DLG2: variants seen among roughly 807,000 people sequenced by gnomAD.
DLG2 encodes the protein discs large MAGUK scaffold protein 2.
In DLG2, 45 loss-of-function variants were observed where a neutral mutation model predicts 132.5. The ratio of observed to expected loss-of-function variants is 0.34; its 90% CI spans 0.27 to 0.44. DLG2 has a LOEUF of 0.44. Ranked by LOEUF, DLG2 falls within the 20% of genes least tolerant of loss-of-function variation. DLG2 has a pLI of 1.00. For missense variants in DLG2, 1,045 were observed against 1,196.9 expected (o/e 0.87, Z 1.87); for synonymous variants, 424 against 419.6 (o/e 1.01, Z -0.13).
chr11:85,188,980 T>A (rs1349956330), intron 4 of DLG2, among the ~76,000 whole-genome samples: 1 of 151,946 alleles, frequency 6.6e-6, no homozygotes, highest in Non-Finnish European at 1.5e-5. Flanking sequence ...AATCTATAGA[T>A]CCATGAAACT....
intron 11 of DLG2, among the ~76,000 whole-genome samples, chr11:83,984,212 A>G (rs1343341943): frequency 2.6e-5 from 4 of 151,796 alleles, no homozygotes; most frequent in African/African-American, 9.7e-5. Context: ...ATAGATAGAT[A>G]GATAGATAGA....
chr11:84,928,487 T>C (rs2047668046), intron 6 of DLG2, among the ~76,000 whole-genome samples: 2 of 151,892 alleles, frequency 1.3e-5, no homozygotes, highest in Non-Finnish European at 2.9e-5. Context: ...ATGTAATAAG[T>C]GGTAGTTTTT....
chr11:83,975,815 T>C (rs761691169), intron 12 of DLG2, among the ~76,000 whole-genome samples: 3 of 151,930 alleles, frequency 2.0e-5, no homozygotes, highest in Non-Finnish European at 4.4e-5. Flanking sequence ...TGTTTTCAAG[T>C]GACAGAGCTA....
At chr11:84,196,642 T>C (rs897478049) in intron 8 of DLG2, among the ~76,000 whole-genome samples, 6 of 152,204 alleles carry the variant, frequency 3.9e-5, no homozygotes, top group Non-Finnish European at 7.4e-5. Context: ...ACTTTCAGTA[T>C]ATGTGCCAGT....
chr11:83,562,255 CTT>C (rs1157903631), intron 19 of DLG2, among the ~76,000 whole-genome samples: 1 of 151,942 alleles, frequency 6.6e-6, no homozygotes, highest in East Asian at 1.9e-4. Context: ...TATATACACT[CTT>C]ATATAGTTAA....
At chr11:84,717,997 A>G (rs1228272098) in intron 6 of DLG2, among the ~76,000 whole-genome samples, 2 of 152,070 alleles carry the variant, frequency 1.3e-5, no homozygotes, top group South Asian at 2.1e-4. Flanking sequence ...TAAATTTTGC[A>G]TATTATTTTC....
At chr11:83,822,746 G>A (rs1048697621) in intron 17 of DLG2, among the ~76,000 whole-genome samples, 3 of 152,186 alleles carry the variant, frequency 2.0e-5, no homozygotes, top group Admixed American at 6.5e-5. Flanking sequence ...AGAGCTTGTA[G>A]ACTATCTGTT....
At chr11:85,314,651 A>G (rs2080531475) in intron 3 of DLG2, among the ~76,000 whole-genome samples, 1 of 151,972 alleles carries the variant, frequency 6.6e-6, no homozygotes, top group Non-Finnish European at 1.5e-5. Context: ...AATAAGAGAA[A>G]TACTACAGAA....
chr11:85,146,678 G>A (rs1029527689), intron 5 of DLG2, among the ~76,000 whole-genome samples: 2 of 152,130 alleles, frequency 1.3e-5, no homozygotes, highest in Non-Finnish European at 2.9e-5. Flanking sequence ...CAAGCTGAAT[G>A]CCTGGAATTA....
At chr11:84,023,335 A>G (rs2095448457) in intron 11 of DLG2, among the ~76,000 whole-genome samples, 3 of 152,176 alleles carry the variant, frequency 2.0e-5, no homozygotes, top group Non-Finnish European at 4.4e-5. Context: ...ACAGCAATAA[A>G]GACAAACATT....
At chr11:83,793,087 C>T (rs2041993039) in intron 17 of DLG2, among the ~76,000 whole-genome samples, 1 of 151,634 alleles carries the variant, frequency 6.6e-6, no homozygotes, top group Admixed American at 6.6e-5. Flanking sequence ...ACATAAAATC[C>T]CTTTTTATTT....
chr11:84,786,692 C>A (rs912382684), intron 6 of DLG2, among the ~76,000 whole-genome samples: 4 of 152,300 alleles, frequency 2.6e-5, no homozygotes, highest in Middle Eastern at 3.4e-3. Flanking sequence ...AAGCATTCCA[C>A]CCATTGATAA....
intron 7 of DLG2, 88 bp downstream of exon 7, chr11:84,534,482 C>A (rs1361140291): frequency 3.7e-6 from 5 of 1,355,246 alleles, no homozygotes; most frequent in South Asian, 1.3e-5. Flanking sequence ...AAAAGAGCCT[C>A]ATTTAATCGG....
intron 6 of DLG2, among the ~76,000 whole-genome samples, chr11:84,931,690 G>C (rs1298339483): frequency 2.0e-5 from 3 of 149,824 alleles, no homozygotes; most frequent in Non-Finnish European, 4.5e-5. Context: ...ATGCCACACT[G>C]TCTTCCAATA....
At chr11:85,183,304 G>A (rs565893018) in intron 4 of DLG2, among the ~76,000 whole-genome samples, 1 of 151,846 alleles carries the variant, frequency 6.6e-6, no homozygotes, top group African/African-American at 2.4e-5. Flanking sequence ...CATTACCATT[G>A]TTAATTAACA....
At chr11:84,184,875 G>C (rs1209835359) in intron 8 of DLG2, among the ~76,000 whole-genome samples, 3 of 152,186 alleles carry the variant, frequency 2.0e-5, no homozygotes, top group Admixed American at 2.0e-4. Flanking sequence ...AAGATCAGAT[G>C]GTTGTAGATA....
chr11:85,092,387 T>C (rs1352501431), intron 6 of DLG2, among the ~76,000 whole-genome samples: 1 of 152,044 alleles, frequency 6.6e-6, no homozygotes, highest in Non-Finnish European at 1.5e-5. Flanking sequence ...TCCTAACAAA[T>C]TAAAATCTCA....
intron 19 of DLG2, among the ~76,000 whole-genome samples, chr11:83,626,004 C>T (rs923463777): frequency 1.3e-5 from 2 of 152,158 alleles, no homozygotes; most frequent in African/African-American, 2.4e-5. Context: ...ATTTAACAAA[C>T]GTTTCCTAAG....
intron 3 of DLG2, among the ~76,000 whole-genome samples, chr11:85,376,851 G>C (rs2085445891): frequency 6.6e-6 from 1 of 152,128 alleles, no homozygotes; most frequent in Admixed American, 6.5e-5. Context: ...TCCCCGGGAG[G>C]ATAGAAAAGG....
Sources: allele counts gnomAD v4.1 joint callset (sites outside exome capture counted in the v4.1 genomes callset), GRCh38; gene constraint gnomAD v4.1.1; transcripts MANE v1.5; gene names NCBI Gene and HGNC (gene_info 2026-07-23, HGNC 2026-07-21).